The following MAGI1 variants were observed in gnomAD, a reference collection of about 807,000 sequenced individuals.
MAGI1 encodes membrane-associated guanylate kinase, WW and PDZ domain-containing protein 1.
A neutral mutation model predicts 139.9 loss-of-function variants in MAGI1; 58 were observed. The observed-to-expected ratio is 0.41, with a 90% CI of 0.34 to 0.52. The LOEUF is 0.52. Ranked by LOEUF, MAGI1 falls within the 20% of genes least tolerant of loss-of-function variation. The probability of loss-of-function intolerance (pLI) is 0.12; values close to 1 mark genes in which losing one functional copy is unlikely to be tolerated. For missense variants in MAGI1, 1,874 were observed against 1,901.6 expected (o/e 0.99, Z 0.27); for synonymous variants, 812 against 737.9 (o/e 1.10, Z -1.63).
chr3:65,365,006 G>A (rs980279535), intron 18 of MAGI1, 60 bp from the exon 19 acceptor site: 43 of 1,379,972 alleles, frequency 3.1e-5, no homozygotes, highest in African/African-American at 4.3e-5. Context: ...CCTCCAGCCA[G>A]GAGGTGTGCA....
chr3:65,847,773 A>C (rs1054668347), intron 1 of MAGI1, among the ~76,000 whole-genome samples: 9 of 152,186 alleles, frequency 5.9e-5, no homozygotes, highest in African/African-American at 2.2e-4. Context: ...ATGAAATTCC[A>C]CTGGGTACTA....
chr3:65,789,116 G>T (rs1377931972), intron 1 of MAGI1, among the ~76,000 whole-genome samples: 1 of 152,190 alleles, frequency 6.6e-6, no homozygotes, highest in Non-Finnish European at 1.5e-5. Flanking sequence ...AGGAGGTGGA[G>T]GCTATAGTGA....
intron 1 of MAGI1, among the ~76,000 whole-genome samples, chr3:65,766,305 A>C (rs796533945): frequency 6.6e-6 from 1 of 152,174 alleles, no homozygotes; most frequent in Non-Finnish European, 1.5e-5. Context: ...AGGAGTCCCA[A>C]TTCCTGGCCT....
At chr3:65,542,752 C>T (rs369546903) in intron 2 of MAGI1, among the ~76,000 whole-genome samples, 8 of 152,094 alleles carry the variant, frequency 5.3e-5, no homozygotes, top group African/African-American at 1.7e-4. Flanking sequence ...AAAATTAACT[C>T]GAGATGGAGT....
chr3:65,748,669 G>A (rs2035895688), intron 1 of MAGI1, among the ~76,000 whole-genome samples: 1 of 152,140 alleles, frequency 6.6e-6, no homozygotes, highest in Non-Finnish European at 1.5e-5. Flanking sequence ...TGTAGGAAGA[G>A]ATTTAAAAAA....
At position 65,526,924 on chromosome 3, in the gene MAGI1, C is replaced by A. The variant is rs77828551; in HGVS notation, c.431-33293G>T. ...GGGACCTTCAAAGGCCACCAGCAGG[C>A]AGGAGTGAGAAAGGAAAAAAGAATA... is the stretch of plus-strand genomic sequence containing the variant. On this transcript the variant is annotated intron_variant, in intron 2 of 22. Coordinates refer to ENST00000402939, the MANE Select transcript of MAGI1 (RefSeq NM_001033057.2). 4.6e-5 allele frequency among the ~76,000 whole-genome samples: 7 copies of A among 152,214 alleles called. No individual in the cohort carries two copies. The East Asian group carries it at 1.4e-3, about 29-fold the overall frequency.
chr3:65,408,899 C>G (rs1945558963), intron 12 of MAGI1, among the ~76,000 whole-genome samples: 2 of 152,314 alleles, frequency 1.3e-5, no homozygotes, highest in South Asian at 4.1e-4. Context: ...CTACAGGGTC[C>G]TGCTTTCACA....
At chr3:65,566,457 A>C (rs2080652326) in intron 2 of MAGI1, among the ~76,000 whole-genome samples, 1 of 151,664 alleles carries the variant, frequency 6.6e-6, no homozygotes. Flanking sequence ...TCCATAGTTA[A>C]CACAAATGAT....
At chr3:65,376,844 G>A (rs1463828171) in intron 17 of MAGI1, among the ~76,000 whole-genome samples, 1 of 152,172 alleles carries the variant, frequency 6.6e-6, no homozygotes, top group Non-Finnish European at 1.5e-5. Context: ...ACCGAGAAAA[G>A]TGCATTTGGA....
chr3:65,687,725 G>A, intron 1 of MAGI1: 1 of 537,848 alleles, frequency 1.9e-6, no homozygotes, highest in South Asian at 1.4e-5. Context: ...AACAAAGTCG[G>A]GGGAAGCCTG....
At chr3:65,802,030 C>T (rs1448290150) in intron 1 of MAGI1, among the ~76,000 whole-genome samples, 2 of 152,144 alleles carry the variant, frequency 1.3e-5, no homozygotes, top group East Asian at 1.9e-4. Context: ...CTAACTAATG[C>T]TTGATGGTCT....
intron 7 of MAGI1, among the ~76,000 whole-genome samples, chr3:65,445,124 C>G (rs1948596576): frequency 6.6e-6 from 1 of 152,182 alleles, no homozygotes; most frequent in Non-Finnish European, 1.5e-5. Flanking sequence ...TTAGACAGTA[C>G]AACCTATCAC....
intron 1 of MAGI1, among the ~76,000 whole-genome samples, chr3:65,878,911 G>A (rs189039302): frequency 1.2e-3 from 182 of 152,164 alleles, no homozygotes; most frequent in African/African-American, 4.1e-3. Flanking sequence ...TTTCTGCAGT[G>A]GGCAGTTTCC....
chr3:65,617,894 C>G (rs74889146), intron 2 of MAGI1, among the ~76,000 whole-genome samples: 1 of 152,150 alleles, frequency 6.6e-6, no homozygotes, highest in African/African-American at 2.4e-5. Flanking sequence ...GTTAGATACG[C>G]TGCCTGACTC....
intron 1 of MAGI1, among the ~76,000 whole-genome samples, chr3:65,675,935 G>A (rs2087162418): frequency 6.6e-6 from 1 of 152,174 alleles, no homozygotes; most frequent in African/African-American, 2.4e-5. Flanking sequence ...AGATAATTAT[G>A]GCAGGACTCA....
intron 1 of MAGI1, among the ~76,000 whole-genome samples, chr3:65,809,163 G>A (rs887980857): frequency 6.6e-6 from 1 of 152,206 alleles, no homozygotes; most frequent in African/African-American, 2.4e-5. Flanking sequence ...CAGCAGAGCA[G>A]CGTAAAAAGG....
chr3:65,790,731 G>T (rs938590521), intron 1 of MAGI1, among the ~76,000 whole-genome samples: 1 of 152,190 alleles, frequency 6.6e-6, no homozygotes, highest in Non-Finnish European at 1.5e-5. Flanking sequence ...AGCCTCGCGG[G>T]GGAACATGCT....
intron 2 of MAGI1, among the ~76,000 whole-genome samples, chr3:65,608,191 C>T (rs905095581): frequency 8.5e-5 from 13 of 152,122 alleles, no homozygotes; most frequent in South Asian, 4.1e-4. Flanking sequence ...CCTGCAATCC[C>T]AGCACTTTGG....
intron 1 of MAGI1, among the ~76,000 whole-genome samples, chr3:65,868,871 A>G (rs1015290019): frequency 2.2e-4 from 33 of 152,116 alleles, no homozygotes; most frequent in African/African-American, 7.2e-4. Context: ...CACCCTGATC[A>G]CCCCATGTAA....
Sources: gnomAD v4.1 joint callset for allele counts (sites outside exome capture counted in the v4.1 genomes callset) on GRCh38, gnomAD v4.1.1 for gene constraint, MANE v1.5 for transcripts, NCBI Gene and HGNC (gene_info 2026-07-23, HGNC 2026-07-21) for gene names.